The following SLC22A23 variants were observed in gnomAD, a reference collection of about 807,000 sequenced individuals.
SLC22A23 encodes the protein solute carrier family 22 member 23.
SLC22A23 carries 26 observed loss-of-function variants against 61.0 expected under a neutral mutation model. The observed-to-expected ratio is 0.43, with a 90% CI of 0.31 to 0.59. The LOEUF (loss-of-function observed/expected upper bound fraction) is 0.59, where lower values mean the gene tolerates loss of function less well. Ranked by LOEUF, SLC22A23 falls within the 20% of genes least tolerant of loss-of-function variation. The probability of loss-of-function intolerance (pLI) is 0.11; values close to 1 mark genes in which losing one functional copy is unlikely to be tolerated. For synonymous variants in SLC22A23, 430 were observed against 413.9 expected, an observed-to-expected ratio of 1.04 and a Z score of -0.47; for missense variants, 796 against 934.7, an observed-to-expected ratio of 0.85 and a Z score of 1.94.
rs1302857260 is a variant in SLC22A23 at position 3,454,855 on chromosome 6, A to G, written c.654+1051T>C. ...AATGCACACGGGGGGAGGAGGTTAC[A>G]TGCACATTGACTATTTAAAACTGTC... is the stretch of plus-strand genomic sequence containing the variant. On this transcript the variant is annotated intron_variant, in intron 1 of 9. Transcript: ENST00000406686. The surrounding 1 kb of genome is among the most constrained non-coding windows in gnomAD (Gnocchi z 4.3). Among the ~76,000 whole-genome samples the G allele has an allele frequency of 6.6e-6, 1 of 152,240 alleles. No homozygotes were observed. Among genetic ancestry groups the G allele is most frequent in the Non-Finnish European group, 1.5e-5 (1 of 68,046 alleles).
intron 4 of SLC22A23, among the ~76,000 whole-genome samples, chr6:3,299,148 T>C (rs1360577957): frequency 6.6e-6 from 1 of 152,170 alleles, no homozygotes; most frequent in African/African-American, 2.4e-5. Flanking sequence ...AAAAAAATAA[T>C]TTAACAAATG....
At chr6:3,279,509 C>CCAAAAAAAAAAAAAAA (rs1759228993) in intron 9 of SLC22A23, among the ~76,000 whole-genome samples, 1 of 36,016 alleles carries the variant, frequency 2.8e-5, no homozygotes, top group African/African-American at 7.3e-5. Flanking sequence ...GGCTCCGTCT[C>CCAAAAAAAAAAAAAAA]AAAAAAAAAA....
intron 1 of SLC22A23, among the ~76,000 whole-genome samples, chr6:3,435,127 G>A (rs954079723): frequency 6.6e-5 from 10 of 152,100 alleles, no homozygotes; most frequent in Non-Finnish European, 1.3e-4. Context: ...CAGGGGCTGG[G>A]ATTCAGGCTG....
At chr6:3,447,087 CTT>C (rs1328142433) in intron 1 of SLC22A23, among the ~76,000 whole-genome samples, 1 of 152,194 alleles carries the variant, frequency 6.6e-6, no homozygotes, top group Non-Finnish European at 1.5e-5. Context: ...ACTTAATACT[CTT>C]TAATGGTTTT....
At chr6:3,289,981 C>CTTT (rs35568219) in intron 5 of SLC22A23, 115 bp from the exon 6 acceptor site, 98 of 449,338 alleles carry the variant, frequency 2.2e-4, no homozygotes, top group South Asian at 2.8e-4. Flanking sequence ...GAGAGAGAAG[C>CTTT]TTTTTTTTTT....
At chr6:3,276,569 T>TG (rs1284800369) in intron 9 of SLC22A23, 1 of 152,828 alleles carries the variant, frequency 6.5e-6, no homozygotes, top group Non-Finnish European at 1.5e-5. Flanking sequence ...CTCTTCCTCC[T>TG]GTCCTCTGCC....
intron 1 of SLC22A23, among the ~76,000 whole-genome samples, chr6:3,416,599 CCT>C (rs903526173): frequency 5.9e-5 from 9 of 152,324 alleles, no homozygotes; most frequent in Non-Finnish European, 7.4e-5. Flanking sequence ...GACGTAAACC[CCT>C]GTTTGTTCCC....
At chr6:3,289,913 G>A (rs1171703992) in intron 5 of SLC22A23, 47 bp from the exon 6 acceptor site, 1 of 1,517,600 alleles carries the variant, frequency 6.6e-7, no homozygotes. Context: ...CGCCCACAGA[G>A]GACAGGACAG....
In SLC22A23 at chr6:3,386,408, G is replaced by A. The variant is rs938429558; in HGVS notation, c.913+23780C>T. Among the ~76,000 whole-genome samples the A allele has an allele frequency of 6.6e-6, 1 of 152,156 alleles. No homozygotes were observed. Among genetic ancestry groups the A allele is most frequent in the African/African-American group, 2.4e-5 (1 of 41,434 alleles). On this transcript the variant is annotated intron_variant, in intron 3 of 9. Transcript: ENST00000406686. The surrounding 1 kb of genome is among the most constrained non-coding windows in gnomAD (Gnocchi z 4.4). The stretch of plus-strand genomic sequence containing the variant: ...ACGCCACACGCACAACCAGCCCTGG[G>A]GTCCCTGGATGTGGCACCAGGAGTT...
At chr6:3,275,010 A>G (rs1270247599) in intron 9 of SLC22A23, among the ~76,000 whole-genome samples, 1 of 152,198 alleles carries the variant, frequency 6.6e-6, no homozygotes, top group Non-Finnish European at 1.5e-5. Flanking sequence ...GGAAATGCAA[A>G]AGACTCAGAG....
rs553745217 is a variant in SLC22A23, at chr6:3,292,482, AT to A, written c.1211-2617del. Among the ~76,000 whole-genome samples the A allele has an allele frequency of 6.5e-3, 997 of 152,310 alleles. 3 individuals are homozygous for A. The highest frequency in any genetic ancestry group is 0.011 in the Non-Finnish European group (746 of 68,022). On this transcript the variant is annotated intron_variant, in intron 5 of 9. Transcript: ENST00000406686. ...TTGCTGCTGCGAGCACCCAGCTCCC[AT>A]GCTCTCCTCGAGACAGAGGAGGAGG...
chr6:3,393,024 G>A (rs1767768240), intron 3 of SLC22A23, among the ~76,000 whole-genome samples: 1 of 152,166 alleles, frequency 6.6e-6, no homozygotes, highest in Non-Finnish European at 1.5e-5. Flanking sequence ...GCAAAGGAAG[G>A]GAAAAGCCAA....
At chr6:3,284,308 CTA>C (rs569461062) in intron 8 of SLC22A23, among the ~76,000 whole-genome samples, 116 of 152,318 alleles carry the variant, frequency 7.6e-4, no homozygotes, top group Admixed American at 1.6e-3. Flanking sequence ...CTGCCCTGGC[CTA>C]TGTTTGCTCC....
chr6:3,298,164 T>C lies in SLC22A23; in HGVS notation c.1137A>G (p.Ala379=), dbSNP rs758825505. ...GTGTGAAGTGGAGGATCAGCCTCTT[T>C]GCAGACTCAAACTGCTGGGTGGCCA... ...WLMATQQFES[A]KRLILHFTQK... Residue 379 remains alanine (A), a synonymous_variant, in exon 5 of 10, where the codon GCA becomes GCG. Transcript: ENST00000406686. 1.3e-6 allele frequency: 2 copies of C among 1,593,122 alleles called. No individual in the cohort carries two copies. The highest frequency in any genetic ancestry group is 1.7e-6 in the Non-Finnish European group (2 of 1,172,188).
chr6:3,372,855 C>G lies in SLC22A23; in HGVS notation c.913+37333G>C, dbSNP rs893074596. ...TTCATCGCCAAACATTTATGAAATA[C>G]TTAAAATACACTAAGTGAGAGTCAG... On this transcript the variant is annotated intron_variant, in intron 3 of 9. Coordinates refer to ENST00000406686, the MANE Select transcript of SLC22A23 (RefSeq NM_015482.2). The surrounding 1 kb of genome is among the most constrained non-coding windows in gnomAD (Gnocchi z 4.7). 6.6e-6 allele frequency among the ~76,000 whole-genome samples: 1 copy of G among 152,228 alleles called. No individual in the cohort carries two copies. The highest frequency in any genetic ancestry group is 1.5e-5 in the Non-Finnish European group (1 of 68,042).
Position 3,283,940 on chromosome 6 carries a change from C to A in SLC22A23, c.1615G>T (p.Ala539Ser). The A allele has an allele frequency of 6.2e-7, 1 of 1,607,854 alleles. No individual in the cohort carries two copies. Among genetic ancestry groups the A allele is most frequent in the Non-Finnish European group, 8.5e-7 (1 of 1,174,814 alleles). The change falls in exon 9 of 10, where the codon GCG becomes TCG. Residue 539 changes from alanine to serine, a missense_variant. Coordinates refer to ENST00000406686, the MANE Select transcript of SLC22A23 (RefSeq NM_015482.2). ...GCAAACATGCCCACGATGGAAAACG[C>A]GATGGAAAATTTGTCCTTGACGCTG... is the stretch of plus-strand genomic sequence containing the variant. ...SDSVKDKFSI[A>S]FSIVGMFASH...
chr6:3,392,494 G>A (rs1299666229), intron 3 of SLC22A23, among the ~76,000 whole-genome samples: 1 of 152,206 alleles, frequency 6.6e-6, no homozygotes, highest in Admixed American at 6.5e-5. Flanking sequence ...AGTTGTAAGT[G>A]AAGAATGAGC....
chr6:3,296,815 C>T lies in SLC22A23; in HGVS notation c.1210+1276G>A, dbSNP rs563830343. Among the ~76,000 whole-genome samples the T allele has an allele frequency of 5.1e-4, 77 of 152,326 alleles. 2 individuals are homozygous for T. The South Asian group carries it at 0.016, about 31-fold the overall frequency. On this transcript the variant is annotated intron_variant, in intron 5 of 9. Transcript: ENST00000406686. ...ACATCCTGGCTGAGCTACGGCAGCACCAAGGAGCTTCTAGTGACCTAGTGT... is the reference window on the plus strand; with the variant it reads ...ACATCCTGGCTGAGCTACGGCAGCATCAAGGAGCTTCTAGTGACCTAGTGT...
At chr6:3,349,498 AG>A (rs1413800650) in intron 3 of SLC22A23, among the ~76,000 whole-genome samples, 1 of 152,196 alleles carries the variant, frequency 6.6e-6, no homozygotes, top group East Asian at 1.9e-4. Context: ...CATCCCCTGC[AG>A]GCCCTGAATT....
Sources: allele counts gnomAD v4.1 joint callset (sites outside exome capture counted in the v4.1 genomes callset), GRCh38; gene constraint gnomAD v4.1.1; non-coding constraint Gnocchi (gnomAD v3.1); transcripts MANE v1.5; gene names NCBI Gene and HGNC (gene_info 2026-07-23, HGNC 2026-07-21).